NRG3: variants seen among roughly 807,000 people sequenced by gnomAD.
NRG3 encodes neuregulin 3.
In NRG3, 31 loss-of-function variants were observed where a neutral mutation model predicts 66.9. The ratio of observed to expected loss-of-function variants is 0.46; its 90% CI spans 0.35 to 0.63. The LOEUF is 0.63. Among genes scored for constraint, NRG3 ranks in the 20% least tolerant of loss-of-function variants. The pLI is 0.00. For missense variants in NRG3, 910 were observed against 878.9 expected (o/e 1.04, Z -0.45); for synonymous variants, 393 against 359.4 (o/e 1.09, Z -1.06).
chr10:82,190,254 A>G (rs563519527), intron 1 of NRG3, among the ~76,000 whole-genome samples: 7 of 152,282 alleles, frequency 4.6e-5, no homozygotes, highest in African/African-American at 1.7e-4. Context: ...ATTAATGATT[A>G]TGTTCATAAT....
At chr10:82,235,275 T>G (rs891770251) in intron 1 of NRG3, among the ~76,000 whole-genome samples, 2 of 152,218 alleles carry the variant, frequency 1.3e-5, no homozygotes, top group Non-Finnish European at 1.5e-5. Flanking sequence ...ATATTGATGG[T>G]GGAGTTCACA....
intron 2 of NRG3, among the ~76,000 whole-genome samples, chr10:82,698,210 C>A (rs999957693): frequency 6.6e-6 from 1 of 152,020 alleles, no homozygotes; most frequent in Non-Finnish European, 1.5e-5. Context: ...AATGTTCTTG[C>A]ATGAACCATT....
chr10:82,593,886 T>C lies in NRG3; in HGVS notation c.954-144691T>C, dbSNP rs1396204193. ...TTTGTTTATTTTTAGTACTGATGAT[T>C]CTATTATAAAAGTTGTAGACATTTC... On this transcript the variant is annotated intron_variant, in intron 2 of 8. Transcript: ENST00000372141. Among the ~76,000 whole-genome samples, 4 of 152,000 alleles carry C rather than the reference T, an allele frequency of 2.6e-5. No homozygotes were observed. In the East Asian group the frequency reaches 7.7e-4, roughly 29 times the overall value.
At chr10:82,487,179 A>G (rs1229105274) in intron 2 of NRG3, among the ~76,000 whole-genome samples, 1 of 150,834 alleles carries the variant, frequency 6.6e-6, no homozygotes, top group East Asian at 1.9e-4. Context: ...ACAAAGAATA[A>G]AAGTATATTT....
chr10:82,300,094 TAAA>T (rs780138506), intron 1 of NRG3, among the ~76,000 whole-genome samples: 2 of 152,116 alleles, frequency 1.3e-5, no homozygotes, highest in East Asian at 1.9e-4. Context: ...TATATACAAA[TAAA>T]GAAGTGTAAA....
chr10:82,838,887 G>A (rs2062912598), intron 3 of NRG3, among the ~76,000 whole-genome samples: 1 of 152,098 alleles, frequency 6.6e-6, no homozygotes, highest in African/African-American at 2.4e-5. Context: ...CCACATGGCT[G>A]GGGAGGCCTC....
intron 2 of NRG3, among the ~76,000 whole-genome samples, chr10:82,369,086 G>T (rs1272750071): frequency 1.4e-5 from 2 of 138,116 alleles, no homozygotes; most frequent in African/African-American, 6.8e-5. Context: ...AATCACTTTT[G>T]TCTGATCATC....
chr10:82,282,743 G>A (rs2079193154), intron 1 of NRG3, among the ~76,000 whole-genome samples: 1 of 152,136 alleles, frequency 6.6e-6, no homozygotes, highest in Non-Finnish European at 1.5e-5. Context: ...GGGACATGGT[G>A]GTCCCCTGAG....
chr10:82,893,097 A>T (rs1166169084), intron 4 of NRG3, among the ~76,000 whole-genome samples: 1 of 152,204 alleles, frequency 6.6e-6, no homozygotes, highest in Non-Finnish European at 1.5e-5. Context: ...GTATGATATG[A>T]AGTGTATAAT....
chr10:82,512,945 C>T (rs1353864741), intron 2 of NRG3, among the ~76,000 whole-genome samples: 1 of 152,044 alleles, frequency 6.6e-6, no homozygotes, highest in African/African-American at 2.4e-5. Context: ...GGGTATGCCA[C>T]ATATTTTTTC....
intron 2 of NRG3, among the ~76,000 whole-genome samples, chr10:82,471,263 C>T (rs1340751587): frequency 6.6e-6 from 1 of 152,112 alleles, no homozygotes; most frequent in Non-Finnish European, 1.5e-5. Context: ...CCCTGGAACT[C>T]GAGAGGCCAG....
At chr10:81,956,461 A>G (rs1849841792) in intron 1 of NRG3, among the ~76,000 whole-genome samples, 1 of 152,192 alleles carries the variant, frequency 6.6e-6, no homozygotes, top group Non-Finnish European at 1.5e-5. Context: ...ACATACCCTT[A>G]AACTTTGAGT....
chr10:82,619,201 A>G (rs992307837), intron 2 of NRG3, among the ~76,000 whole-genome samples: 1 of 152,162 alleles, frequency 6.6e-6, no homozygotes, highest in Non-Finnish European at 1.5e-5. Flanking sequence ...TTTAGGAAAA[A>G]GAAAATGCAG....
chr10:82,521,409 C>T (rs368062659), intron 2 of NRG3, among the ~76,000 whole-genome samples: 1 of 150,820 alleles, frequency 6.6e-6, no homozygotes, highest in Non-Finnish European at 1.5e-5. Flanking sequence ...GGTGTGATCT[C>T]GGCTCACTGC....
intron 1 of NRG3, among the ~76,000 whole-genome samples, chr10:81,999,269 T>G (rs1259426451): frequency 6.6e-6 from 1 of 152,240 alleles, no homozygotes; most frequent in African/African-American, 2.4e-5. Flanking sequence ...ACTGACACTT[T>G]TTTAAAAGAG....
chr10:82,479,186 G>A (rs554198638), intron 2 of NRG3, among the ~76,000 whole-genome samples: 1 of 152,194 alleles, frequency 6.6e-6, no homozygotes, highest in African/African-American at 2.4e-5. Context: ...GCACTTAAGA[G>A]CTTTGGGATT....
chr10:82,465,136 G>A (rs915457453), intron 2 of NRG3, among the ~76,000 whole-genome samples: 1 of 152,182 alleles, frequency 6.6e-6, no homozygotes, highest in East Asian at 1.9e-4. Context: ...TGGCTGCAAG[G>A]CTAACGATAA....
chr10:82,522,657 A>T (rs770573066), intron 2 of NRG3, among the ~76,000 whole-genome samples: 1 of 152,134 alleles, frequency 6.6e-6, no homozygotes, highest in Non-Finnish European at 1.5e-5. Flanking sequence ...AAAAAATGCA[A>T]TATCTGCAAA....
chr10:82,196,460 G>A (rs1480991429), intron 1 of NRG3, among the ~76,000 whole-genome samples: 2 of 152,136 alleles, frequency 1.3e-5, no homozygotes, highest in Non-Finnish European at 2.9e-5. Flanking sequence ...CAAGAGCTGG[G>A]TTCAGGTCTC....
Sources: allele counts gnomAD v4.1 joint callset (sites outside exome capture counted in the v4.1 genomes callset), GRCh38; gene constraint gnomAD v4.1.1; transcripts MANE v1.5; gene names NCBI Gene and HGNC (gene_info 2026-07-23, HGNC 2026-07-21).